The following DRC7 variants were observed in gnomAD, a reference collection of about 807,000 sequenced individuals.
The protein encoded by DRC7 is dynein regulatory complex subunit 7, also known as coiled-coil domain containing 135.
Under a neutral mutation model 104.4 loss-of-function variants are expected in DRC7, and 80 were observed. The ratio of observed to expected loss-of-function variants is 0.77; its 90% CI spans 0.64 to 0.92. The LOEUF is 0.92. Ranked by LOEUF, DRC7 falls within the 40% of genes least tolerant of loss-of-function variation. The pLI is 0.00. For synonymous variants in DRC7, 405 were observed against 447.3 expected (o/e 0.91, Z 1.19); for missense variants, 1,034 against 1,141.1 (o/e 0.91, Z 1.35).
At chr16:57,718,592 G>A in intron 9 of DRC7, 117 bp downstream of exon 9, 1 of 1,236,508 alleles carries the variant, frequency 8.1e-7, no homozygotes, top group African/African-American at 1.5e-5. Context: ...GACCAGTGAT[G>A]GGTTCCTCAA....
At chr16:57,704,376 T>TACACACACACACACACAC (rs55873452) in intron 6 of DRC7, among the ~76,000 whole-genome samples, 19 of 149,100 alleles carry the variant, frequency 1.3e-4, no homozygotes, top group African/African-American at 4.7e-4. Context: ...CACGCAAGCG[T>TACACACACACACACACAC]ACACACACAC....
At chr16:57,718,313 G>C in intron 8 of DRC7, 34 bp from the exon 9 acceptor site, 1 of 1,609,544 alleles carries the variant, frequency 6.2e-7, no homozygotes, top group Middle Eastern at 1.7e-4. Context: ...GTGGCTGTGG[G>C]GTACACTCAG....
In DRC7 at chr16:57,696,576, G is replaced by A. The variant is rs1403856333; in HGVS notation, c.-56G>A. The stretch of plus-strand genomic sequence containing the variant: ...ACAACTGGGGTTCTGCCGTATAGAA[G>A]AGGAGACTGGATCTTTGGGTAGGTG... On this transcript the variant is annotated 5_prime_UTR_variant, in exon 2 of 19. Transcript: ENST00000360716. 6.6e-6 allele frequency: 1 copy of A among 152,308 alleles called. No individual in the cohort carries two copies. The highest frequency in any genetic ancestry group is 2.4e-5 in the African/African-American group (1 of 41,464). The allele number at this position is 152,308 out of a possible 1,614,324, so 9.4% of individuals were successfully genotyped here. A position where few individuals can be genotyped will look rare whatever the true frequency, so the allele number is the denominator to read the frequency against.
Position 57,726,164 on chromosome 16 carries a change from C to T in DRC7, c.1855C>T (p.Arg619Cys). 1 of 1,613,136 alleles carries T rather than the reference C, an allele frequency of 6.2e-7. No homozygotes were observed. Among genetic ancestry groups the T allele is most frequent in the Non-Finnish European group, 8.5e-7 (1 of 1,180,032 alleles). Reference protein sequence around the residue: ...FLVAEERIQLRYHCREDHITA... With the variant: ...FLVAEERIQLCYHCREDHITA... Reference sequence around the variant, plus strand: ...GGTCGCGGAGGAGCGCATCCAGCTGCGCTACCACTGCCGTGAGGACCACAT... The same window carrying T: ...GGTCGCGGAGGAGCGCATCCAGCTGTGCTACCACTGCCGTGAGGACCACAT... Residue 619 changes from arginine (R) to cysteine (C), a missense_variant, in exon 14 of 19, where the codon CGC becomes TGC. Coordinates refer to ENST00000360716, the MANE Select transcript of DRC7 (RefSeq NM_001289162.2).
intron 11 of DRC7, 47 bp from the exon 12 acceptor site, chr16:57,722,955 G>A (rs1184116260): frequency 2.5e-6 from 4 of 1,613,432 alleles, no homozygotes; most frequent in Admixed American, 3.3e-5. Context: ...GGGGTTGAAG[G>A]CTAGGGGAGC....
chr16:57,723,884 C>T (rs2048934554), intron 12 of DRC7, among the ~76,000 whole-genome samples: 1 of 151,906 alleles, frequency 6.6e-6, no homozygotes, highest in Non-Finnish European at 1.5e-5. Flanking sequence ...TTATAACCCC[C>T]ATGTTGGCAA....
At chr16:57,715,605 C>T (rs146820487) in intron 8 of DRC7, among the ~76,000 whole-genome samples, 182 of 152,340 alleles carry the variant, frequency 1.2e-3, no homozygotes, top group Non-Finnish European at 2.1e-3. Context: ...TCAGTAGATG[C>T]TTAGAATAGT....
chr16:57,699,491 C>T (rs1378935890), intron 4 of DRC7, among the ~76,000 whole-genome samples: 1 of 152,184 alleles, frequency 6.6e-6, no homozygotes, highest in Non-Finnish European at 1.5e-5. Flanking sequence ...GATGGAGAAA[C>T]TGAGGCCCAG....
In DRC7 at chr16:57,700,278, C is replaced by T; in HGVS notation, c.504+8C>T. On this transcript the variant is annotated splice_region_variant and intron_variant, in intron 5 of 18. Transcript: ENST00000360716. The stretch of plus-strand genomic sequence containing the variant: ...CCTGACCCTCTCAAGCCGGTAAGCA[C>T]CACTCACAGGCTGCATGCCTGAGCC... The T allele has an allele frequency of 3.1e-6, 5 of 1,611,464 alleles. No individual in the cohort carries two copies. The highest frequency in any genetic ancestry group is 4.2e-6 in the Non-Finnish European group (5 of 1,178,122).
chr16:57,697,806 ACCT>A, intron 2 of DRC7, 104 bp from the exon 3 acceptor site: 3 of 1,260,340 alleles, frequency 2.4e-6, no homozygotes, highest in Non-Finnish European at 3.3e-6. Flanking sequence ...TGTGTTCGAC[ACCT>A]CCTCAAAACC....
Position 57,700,174 on chromosome 16 carries a change from A to T in DRC7, c.408A>T (p.Thr136=). The T allele has an allele frequency of 1.2e-6, 2 of 1,612,860 alleles. No homozygotes were observed. Among genetic ancestry groups the T allele is most frequent in the Non-Finnish European group, 1.7e-6 (2 of 1,179,612 alleles). The change falls in exon 5 of 19, where the codon ACA becomes ACT. Residue 136 remains threonine, a synonymous_variant. Transcript: ENST00000360716. ...TCGTGAGCACAACCCTCCGGCCCAC[A>T]CTGATGCCCTACCCCGAGCTCTACA... is the stretch of plus-strand genomic sequence containing the variant. ...PKFVSTTLRP[T]LMPYPELYNW...
At chr16:57,716,377 C>T (rs941003042) in intron 8 of DRC7, among the ~76,000 whole-genome samples, 2 of 151,736 alleles carry the variant, frequency 1.3e-5, no homozygotes, top group Admixed American at 6.6e-5. Context: ...GTGGCGGGCA[C>T]CTGTAATCCC....
intron 8 of DRC7, among the ~76,000 whole-genome samples, chr16:57,716,034 A>G (rs1391873581): frequency 3.9e-5 from 6 of 152,224 alleles, no homozygotes; most frequent in Admixed American, 2.6e-4. Context: ...GGAGGATGGC[A>G]AGGCATCCAC....
intron 5 of DRC7, among the ~76,000 whole-genome samples, chr16:57,701,082 G>A (rs2048653068): frequency 6.6e-6 from 1 of 152,140 alleles, no homozygotes; most frequent in Admixed American, 6.5e-5. Flanking sequence ...TTTGGTTTGA[G>A]TGAGGGCAAC....
At chr16:57,728,846 G>C (rs539602045) in intron 17 of DRC7, among the ~76,000 whole-genome samples, 2 of 139,082 alleles carry the variant, frequency 1.4e-5, no homozygotes, top group South Asian at 4.4e-4. Flanking sequence ...GGATAGATGG[G>C]TGGATGAATG....
chr16:57,707,709 G>A, intron 8 of DRC7, 31 bp downstream of exon 8: 1 of 1,590,052 alleles, frequency 6.3e-7, no homozygotes, highest in Non-Finnish European at 8.6e-7. Context: ...GGGTGGGTGT[G>A]GCAGGCACAG....
chr16:57,703,330 A>T (rs1006481924), intron 6 of DRC7, among the ~76,000 whole-genome samples: 1 of 152,208 alleles, frequency 6.6e-6, no homozygotes. Context: ...TCTGGAATGA[A>T]TATCAGAATC....
intron 7 of DRC7, among the ~76,000 whole-genome samples, chr16:57,705,519 TCCATCCTCCCATCCAC>T (rs1567874990): frequency 1.4e-5 from 2 of 143,516 alleles, no homozygotes; most frequent in African/African-American, 2.6e-5. Flanking sequence ...CTTCCATCCA[TCCATCCTCCCATCCAC>T]CCATCCTCCC....
chr16:57,696,909 T>A (rs116299677), intron 2 of DRC7, among the ~76,000 whole-genome samples: 162 of 152,282 alleles, frequency 1.1e-3, no homozygotes, highest in African/African-American at 3.8e-3. Flanking sequence ...TTTAAACCAA[T>A]CTATTTATTT....
Sources: gnomAD v4.1 joint callset for allele counts (sites outside exome capture counted in the v4.1 genomes callset) on GRCh38, gnomAD v4.1.1 for gene constraint, MANE v1.5 for transcripts, NCBI Gene and HGNC (gene_info 2026-07-23, HGNC 2026-07-21) for gene names.